XXYLT1: variants seen among roughly 807,000 people sequenced by gnomAD.
XXYLT1 encodes UDP-xylose:alpha-xyloside alpha-1,3-xylosyltransferase.
A neutral mutation model predicts 28.9 loss-of-function variants in XXYLT1; 20 were observed. The observed-to-expected ratio is 0.69, with a 90% confidence interval of 0.49 to 1.00. XXYLT1 has a LOEUF of 1.00. XXYLT1 is among the 50% of genes least tolerant of loss of function. The pLI is 0.00. For missense variants in XXYLT1, 542 were observed against 560.1 expected, an observed-to-expected ratio of 0.97 and a Z score of 0.33; for synonymous variants, 257 against 253.8, an observed-to-expected ratio of 1.01 and a Z score of -0.12.
At chr3:195,178,861 A>G (rs1016278957) in intron 2 of XXYLT1, among the ~76,000 whole-genome samples, 1 of 152,256 alleles carries the variant, frequency 6.6e-6, no homozygotes, top group Non-Finnish European at 1.5e-5. Flanking sequence ...AGGCTTCTTC[A>G]TTGAGATCGA....
intron 2 of XXYLT1, among the ~76,000 whole-genome samples, chr3:195,208,980 G>A (rs188024299): frequency 6.6e-6 from 1 of 152,306 alleles, no homozygotes; most frequent in Non-Finnish European, 1.5e-5. Flanking sequence ...TGTGATTAAG[G>A]ACTATGACAA....
intron 3 of XXYLT1, among the ~76,000 whole-genome samples, chr3:195,131,995 G>A (rs748835677): frequency 6.6e-6 from 1 of 152,164 alleles, no homozygotes; most frequent in African/African-American, 2.4e-5. Flanking sequence ...GAAGATGCTA[G>A]AAGCCAGCCA....
At chr3:195,229,805 T>G (rs1004566511) in intron 1 of XXYLT1, among the ~76,000 whole-genome samples, 1 of 152,256 alleles carries the variant, frequency 6.6e-6, no homozygotes, top group Admixed American at 6.5e-5. Flanking sequence ...AACCTTAGGC[T>G]GCTTCCAAAT....
chr3:195,096,768 G>T (rs1462508019), intron 3 of XXYLT1, among the ~76,000 whole-genome samples: 1 of 152,170 alleles, frequency 6.6e-6, no homozygotes, highest in Non-Finnish European at 1.5e-5. Flanking sequence ...GCTTTGTAAA[G>T]CTTGGTTTCC....
At chr3:195,186,430 C>T (rs910237330) in intron 2 of XXYLT1, among the ~76,000 whole-genome samples, 2 of 152,192 alleles carry the variant, frequency 1.3e-5, no homozygotes, top group African/African-American at 4.8e-5. Context: ...ATAGCCTGAC[C>T]GGGGTGTGCT....
intron 2 of XXYLT1, among the ~76,000 whole-genome samples, chr3:195,213,263 C>CTTTTTT (rs924778735): frequency 7.7e-6 from 1 of 129,070 alleles, no homozygotes; most frequent in Non-Finnish European, 1.6e-5. Context: ...TTCTTTCTTT[C>CTTTTTT]TTTTTTTTTT....
At chr3:195,190,309 A>C (rs1488570425) in intron 2 of XXYLT1, among the ~76,000 whole-genome samples, 1 of 152,042 alleles carries the variant, frequency 6.6e-6, no homozygotes, top group Non-Finnish European at 1.5e-5. Flanking sequence ...AGCCTGGTCA[A>C]CATGGTAAAA....
chr3:195,101,782 G>A (rs1446039920), intron 3 of XXYLT1, among the ~76,000 whole-genome samples: 2 of 136,396 alleles, frequency 1.5e-5, no homozygotes, highest in African/African-American at 2.7e-5. Context: ...GAAATGTAGC[G>A]AGACCCTATC....
rs1725999731 is a variant in XXYLT1, at chr3:195,270,802, G to C, written c.257C>G (p.Ala86Gly). ...GGCACCGCCGCCCTCCAAGCTCTTG[G>C]CCTTCGCGCCGGGGGCTGGCGCCAC... ...GSVAPAPGAKAKSLEGGGAGP... is the reference protein window; with the variant it reads ...GSVAPAPGAKGKSLEGGGAGP... Residue 86 changes from alanine to glycine, a missense_variant, in exon 1 of 4, where the codon GCC (alanine) becomes GGC (glycine). Ala to Gly is a moderately conservative substitution (Grantham distance 60, BLOSUM62 0). Transcript: ENST00000310380. 2.6e-6 allele frequency: 4 copies of C among 1,522,680 alleles called. No homozygotes were observed. Among genetic ancestry groups the C allele is most frequent in the Non-Finnish European group, 3.5e-6 (4 of 1,139,040 alleles). The allele number at this position is 1,522,680 out of a possible 1,614,324, so 94.3% of individuals were successfully genotyped here. A position where few individuals can be genotyped will look rare whatever the true frequency, so the allele number is the denominator to read the frequency against.
chr3:195,163,400 G>A (rs1720968520), intron 2 of XXYLT1, among the ~76,000 whole-genome samples: 3 of 152,170 alleles, frequency 2.0e-5, no homozygotes, highest in Admixed American at 1.3e-4. Flanking sequence ...GCTGCCTGCA[G>A]CTCCTCATCC....
Position 195,270,425 on chromosome 3 carries a change from A to G in XXYLT1, c.504+130T>C, listed in dbSNP as rs1725981309. 2.2e-6 allele frequency: 3 copies of G among 1,343,504 alleles called. No homozygotes were observed. In the African/African-American group the frequency reaches 4.6e-5, roughly 21 times the overall value. 83.2% of individuals were successfully genotyped at this position (1,343,504 alleles called of 1,614,324 possible). On this transcript the variant is annotated intron_variant, in intron 1 of 3. Transcript: ENST00000310380. ...AGCCCTCCCGCAGGTTGTGAACACT[A>G]CATTGCAAGCGGGCAGCTCAGGGAA...
intron 2 of XXYLT1, among the ~76,000 whole-genome samples, chr3:195,204,061 T>C (rs189248913): frequency 2.0e-4 from 31 of 152,310 alleles, no homozygotes; most frequent in Non-Finnish European, 3.4e-4. Context: ...AAAACTATCA[T>C]TGGCCGGGCA....
At position 195,077,692 on chromosome 3, in the gene XXYLT1, T is replaced by C. The variant is rs1157287504; in HGVS notation, c.786-7581A>G. 6.6e-6 allele frequency among the ~76,000 whole-genome samples: 1 copy of C among 152,174 alleles called. No individual in the cohort carries two copies. Among genetic ancestry groups the C allele is most frequent in the Admixed American group, 6.5e-5 (1 of 15,284 alleles). ...GGCCCTGATGGCAAGGCCTCTGACCTGGTGCAGGGCAGCCCTTCAGCCCCC... is the reference window on the plus strand; with the variant it reads ...GGCCCTGATGGCAAGGCCTCTGACCCGGTGCAGGGCAGCCCTTCAGCCCCC... On this transcript the variant is annotated intron_variant, in intron 3 of 3. Coordinates refer to ENST00000310380, the MANE Select transcript of XXYLT1 (RefSeq NM_152531.5). The surrounding 1 kb of genome is among the most constrained non-coding windows in gnomAD (Gnocchi z 4.8).
At chr3:195,095,327 T>C (rs1716367785) in intron 3 of XXYLT1, 1 of 153,780 alleles carries the variant, frequency 6.5e-6, no homozygotes, top group Non-Finnish European at 1.5e-5. Flanking sequence ...CTCAGAAGAC[T>C]CTGCCAGGGC....
chr3:195,106,915 G>A lies in XXYLT1; in HGVS notation c.786-36804C>T, dbSNP rs1172853720. Among the ~76,000 whole-genome samples the A allele has an allele frequency of 2.0e-5, 3 of 152,018 alleles. No homozygotes were observed. In the East Asian group the frequency reaches 5.8e-4, roughly 29 times the overall value. On this transcript the variant is annotated intron_variant, in intron 3 of 3. Transcript: ENST00000310380. ...TGGGGGTGACGGGGGGAGGAGAGTA[G>A]ACACTTGGAGCCCTGGACATCGGGC...
intron 2 of XXYLT1, among the ~76,000 whole-genome samples, chr3:195,159,075 A>G (rs866541986): frequency 1.1e-4 from 16 of 152,216 alleles, no homozygotes; most frequent in South Asian, 8.3e-4. Flanking sequence ...AATGTAAGGA[A>G]TAAATGAACG....
chr3:195,196,724 T>C (rs114696456), intron 2 of XXYLT1, among the ~76,000 whole-genome samples: 3 of 152,048 alleles, frequency 2.0e-5, no homozygotes, highest in African/African-American at 7.3e-5. Flanking sequence ...TAAAAGCAAA[T>C]GTAACAGGAT....
At chr3:195,105,294 T>C (rs752520749) in intron 3 of XXYLT1, among the ~76,000 whole-genome samples, 5 of 152,246 alleles carry the variant, frequency 3.3e-5, no homozygotes, top group African/African-American at 4.8e-5. Context: ...TATAAGCATA[T>C]GTTTTAACAG....
rs563245882 is a variant in XXYLT1 at position 195,187,547 on chromosome 3, T to A, written c.653-30966A>T. 3.9e-5 allele frequency among the ~76,000 whole-genome samples: 6 copies of A among 152,352 alleles called. No homozygotes were observed. The South Asian group carries it at 1.2e-3, about 32-fold the overall frequency. On this transcript the variant is annotated intron_variant, in intron 2 of 3. Coordinates refer to ENST00000310380, the MANE Select transcript of XXYLT1 (RefSeq NM_152531.5). ...AATCAGACAGGCAATCTCTTCCTAA[T>A]AACTTGTCCTAGTGTTTACTGGAGC...
Sources: allele counts gnomAD v4.1 joint callset (sites outside exome capture counted in the v4.1 genomes callset), GRCh38; gene constraint gnomAD v4.1.1; non-coding constraint Gnocchi (gnomAD v3.1); transcripts MANE v1.5; gene names NCBI Gene and HGNC (gene_info 2026-07-23, HGNC 2026-07-21).